The following CFAP221 variants were observed in gnomAD, a reference collection of about 807,000 sequenced individuals.
CFAP221 encodes the protein cilia and flagella associated protein 221, also known as cilia- and flagella-associated protein 221.
In CFAP221, 97 loss-of-function variants were observed where a neutral mutation model predicts 113.1. The observed-to-expected ratio is 0.86, with a 90% CI of 0.73 to 1.02. The LOEUF (loss-of-function observed/expected upper bound fraction) is 1.02, where lower values mean the gene tolerates loss of function less well. Ranked by LOEUF, CFAP221 falls within the 50% of genes least tolerant of loss-of-function variation. The pLI, the probability that CFAP221 is intolerant of heterozygous loss-of-function variation, is 0.00. For synonymous variants in CFAP221, 331 were observed against 354.4 expected (o/e 0.93, Z 0.74); for missense variants, 1,025 against 1,013.4 (o/e 1.01, Z -0.16).
chr2:119,656,434 G>A lies in CFAP221; in HGVS notation c.2487G>A (p.Arg829=), dbSNP rs777810931. The part of the protein sequence containing the change: ...EKLLEEMRNL[R]GKALNTYLIL... ...TGCTCGAGGAGATGAGGAACCTGCG[G>A]GGCAAAGCACTCAACACATACCTGA... Residue 829 remains arginine, a synonymous_variant, in exon 24 of 24, where the codon CGG becomes CGA. Coordinates refer to ENST00000413369, the MANE Select transcript of CFAP221 (RefSeq NM_001271049.2). 2 of 1,613,944 alleles carry A rather than the reference G, an allele frequency of 1.2e-6. No individual in the cohort carries two copies. Among genetic ancestry groups the A allele is most frequent in the Admixed American group, 3.3e-5 (2 of 59,984 alleles).
intron 21 of CFAP221, among the ~76,000 whole-genome samples, chr2:119,641,728 G>T (rs1338883567): frequency 6.6e-6 from 1 of 152,168 alleles, no homozygotes; most frequent in Non-Finnish European, 1.5e-5. Context: ...CGCCCACTAA[G>T]CGGCGCAGTC....
chr2:119,622,981 C>T (rs1686045986), intron 14 of CFAP221, among the ~76,000 whole-genome samples: 1 of 152,196 alleles, frequency 6.6e-6, no homozygotes, highest in South Asian at 2.1e-4. Context: ...CCCTCTCTCA[C>T]CACTCCTATT....
At chr2:119,597,169 C>T (rs932743848) in intron 7 of CFAP221, among the ~76,000 whole-genome samples, 3 of 152,316 alleles carry the variant, frequency 2.0e-5, no homozygotes, top group African/African-American at 4.8e-5. Context: ...AGCACTATCC[C>T]AGACCCTGTA....
chr2:119,603,252 C>T (rs1202199999), intron 8 of CFAP221, among the ~76,000 whole-genome samples: 2 of 152,108 alleles, frequency 1.3e-5, no homozygotes, highest in Non-Finnish European at 2.9e-5. Context: ...CCGTCATCGA[C>T]GTTGAGGATA....
At chr2:119,553,615 G>A (rs1558906423) in intron 3 of CFAP221, among the ~76,000 whole-genome samples, 1 of 152,174 alleles carries the variant, frequency 6.6e-6, no homozygotes, top group African/African-American at 2.4e-5. Flanking sequence ...TTGAGCTTTG[G>A]AAGGTTGTAG....
chr2:119,547,692 C>T (rs1680148848), intron 2 of CFAP221, among the ~76,000 whole-genome samples: 1 of 152,176 alleles, frequency 6.6e-6, no homozygotes, highest in Non-Finnish European at 1.5e-5. Context: ...CCACACCAGC[C>T]TTAACCCATT....
chr2:119,568,734 C>T (rs1681826233), intron 6 of CFAP221, among the ~76,000 whole-genome samples: 1 of 152,152 alleles, frequency 6.6e-6, no homozygotes, highest in Admixed American at 6.5e-5. Flanking sequence ...TTTATCCAGC[C>T]TATCATTGAT....
At chr2:119,627,316 T>G (rs1429863660) in intron 15 of CFAP221, among the ~76,000 whole-genome samples, 1 of 152,198 alleles carries the variant, frequency 6.6e-6, no homozygotes, top group Non-Finnish European at 1.5e-5. Flanking sequence ...AAAGAAACTC[T>G]TTTTTCTAAA....
intron 7 of CFAP221, among the ~76,000 whole-genome samples, chr2:119,592,925 A>G (rs1215902588): frequency 6.6e-6 from 1 of 152,214 alleles, no homozygotes; most frequent in Non-Finnish European, 1.5e-5. Flanking sequence ...TAAGCAGTTC[A>G]CCAGGATATG....
intron 11 of CFAP221, 50 bp downstream of exon 11, chr2:119,605,339 G>A: frequency 7.3e-7 from 1 of 1,377,382 alleles, no homozygotes; most frequent in Middle Eastern, 1.8e-4. Flanking sequence ...GTTATTTTTA[G>A]GTGATGATCT....
chr2:119,607,681 G>A (rs1684867197), intron 11 of CFAP221, among the ~76,000 whole-genome samples: 1 of 151,990 alleles, frequency 6.6e-6, no homozygotes, highest in African/African-American at 2.4e-5. Context: ...CCCACCCCCT[G>A]GAGCCCCTGG....
chr2:119,612,488 C>T (rs1326200273), intron 13 of CFAP221, among the ~76,000 whole-genome samples: 1 of 152,192 alleles, frequency 6.6e-6, no homozygotes, highest in African/African-American at 2.4e-5. Flanking sequence ...AACTAAGTCG[C>T]TATCATGAGA....
At chr2:119,637,235 G>T (rs1282667619) in intron 19 of CFAP221, among the ~76,000 whole-genome samples, 1 of 152,150 alleles carries the variant, frequency 6.6e-6, no homozygotes, top group African/African-American at 2.4e-5. Context: ...TGAGCCCAGA[G>T]CCCTCTCCCT....
At chr2:119,597,133 A>G (rs1684037715) in intron 7 of CFAP221, among the ~76,000 whole-genome samples, 1 of 152,232 alleles carries the variant, frequency 6.6e-6, no homozygotes, top group African/African-American at 2.4e-5. Flanking sequence ...AGAAGGCCAC[A>G]TTTATAGGAC....
At chr2:119,655,785 T>A (rs899012788) in intron 23 of CFAP221, among the ~76,000 whole-genome samples, 1 of 151,766 alleles carries the variant, frequency 6.6e-6, no homozygotes, top group African/African-American at 2.4e-5. Flanking sequence ...CTACTCCCAC[T>A]GCACCCATCA....
chr2:119,560,889 G>A (rs188326729), intron 5 of CFAP221, among the ~76,000 whole-genome samples: 37 of 152,186 alleles, frequency 2.4e-4, no homozygotes, highest in African/African-American at 6.7e-4. Context: ...TCCATAGGGG[G>A]AGGGAAAGAA....
chr2:119,627,934 C>G, intron 16 of CFAP221, 148 bp downstream of exon 16: 1 of 1,147,328 alleles, frequency 8.7e-7, no homozygotes, highest in Non-Finnish European at 1.2e-6. Context: ...CAGTGGAAAA[C>G]CAGGGATCAT....
chr2:119,574,891 A>C (rs116753527), intron 6 of CFAP221, among the ~76,000 whole-genome samples: 4,193 of 152,306 alleles, frequency 0.028, 71 homozygotes, highest in Non-Finnish European at 0.041. Context: ...TATATACTGC[A>C]ATTTCAAAAC....
chr2:119,555,838 C>T (rs1680755562), intron 3 of CFAP221, among the ~76,000 whole-genome samples: 1 of 152,074 alleles, frequency 6.6e-6, no homozygotes, highest in African/African-American at 2.4e-5. Flanking sequence ...TGGGCTCAGA[C>T]AAATCTTTGA....
Sources: allele counts gnomAD v4.1 joint callset (sites outside exome capture counted in the v4.1 genomes callset), GRCh38; gene constraint gnomAD v4.1.1; transcripts MANE v1.5; gene names NCBI Gene and HGNC (gene_info 2026-07-23, HGNC 2026-07-21).